Variants in ARHGAP15 observed in about 807,000 individuals in gnomAD.
ARHGAP15 encodes the protein rho GTPase-activating protein 15.
A neutral mutation model predicts 63.7 loss-of-function variants in ARHGAP15; 51 were observed. The ratio of observed to expected loss-of-function variants is 0.80; its 90% CI spans 0.64 to 1.01. The LOEUF (loss-of-function observed/expected upper bound fraction) is 1.01, where lower values mean the gene tolerates loss of function less well. Among genes scored for constraint, ARHGAP15 ranks in the 50% least tolerant of loss-of-function variants. The probability of loss-of-function intolerance (pLI) is 0.00; values close to 1 mark genes in which losing one functional copy is unlikely to be tolerated. For synonymous variants in ARHGAP15, 191 were observed against 193.8 expected, an observed-to-expected ratio of 0.99 and a Z score of 0.12; for missense variants, 560 against 564.6, an observed-to-expected ratio of 0.99 and a Z score of 0.08.
chr2:143,287,170 T>C lies in ARHGAP15; in HGVS notation c.474+36570T>C, dbSNP rs1454607629. Among the ~76,000 whole-genome samples, 9 of 152,318 alleles carry C rather than the reference T, an allele frequency of 5.9e-5. No individual in the cohort carries two copies. In the East Asian group the frequency reaches 1.7e-3, roughly 29 times the overall value. On this transcript the variant is annotated intron_variant, in intron 6 of 13. Transcript: ENST00000295095. The stretch of plus-strand genomic sequence containing the variant: ...CATATATATTCATATAGCTTATTTT[T>C]GTCTAATGCTGATATAAAATTTGAC...
chr2:143,568,913 AC>A (rs1352940616), intron 11 of ARHGAP15, among the ~76,000 whole-genome samples: 3 of 152,208 alleles, frequency 2.0e-5, no homozygotes, highest in African/African-American at 7.2e-5. Context: ...TATCACAAGG[AC>A]AGAAAATGAA....
intron 6 of ARHGAP15, among the ~76,000 whole-genome samples, chr2:143,281,950 C>T (rs967097643): frequency 1.3e-5 from 2 of 152,086 alleles, no homozygotes; most frequent in Non-Finnish European, 2.9e-5. Context: ...TCTTCCTTCA[C>T]TCTCAGACTA....
In ARHGAP15 at chr2:143,483,719, A is replaced by G. The variant is rs1692184241; in HGVS notation, c.704-3654A>G. Among the ~76,000 whole-genome samples the G allele has an allele frequency of 2.6e-5, 4 of 152,302 alleles. No individual in the cohort carries two copies. The South Asian group carries it at 8.3e-4, about 32-fold the overall frequency. On this transcript the variant is annotated intron_variant, in intron 8 of 13. Coordinates refer to ENST00000295095, the MANE Select transcript of ARHGAP15 (RefSeq NM_018460.4). Reference sequence around the variant, plus strand: ...AAAGTTGTTAGGATAGCACATAAACACACTTTGTTAAGATGCTCAGAATGA... The same window carrying G: ...AAAGTTGTTAGGATAGCACATAAACGCACTTTGTTAAGATGCTCAGAATGA...
chr2:143,455,755 T>G (rs192381688), intron 8 of ARHGAP15, among the ~76,000 whole-genome samples: 14 of 152,172 alleles, frequency 9.2e-5, no homozygotes, highest in African/African-American at 2.9e-4. Flanking sequence ...TTACATTAGG[T>G]CCAAACTCTC....
intron 5 of ARHGAP15, among the ~76,000 whole-genome samples, chr2:143,235,589 C>T (rs1693612141): frequency 6.6e-6 from 1 of 152,134 alleles, no homozygotes; most frequent in Non-Finnish European, 1.5e-5. Flanking sequence ...ATTGTTTTAA[C>T]AAACATATAC....
At chr2:143,355,316 CT>C (rs749511436) in intron 6 of ARHGAP15, among the ~76,000 whole-genome samples, 44 of 152,060 alleles carry the variant, frequency 2.9e-4, no homozygotes, top group Non-Finnish European at 5.6e-4. Flanking sequence ...TTTCGGTTAA[CT>C]TTTTTCAAGT....
intron 8 of ARHGAP15, among the ~76,000 whole-genome samples, chr2:143,457,740 T>G (rs1343012833): frequency 6.6e-6 from 1 of 151,676 alleles, no homozygotes; most frequent in East Asian, 1.9e-4. Flanking sequence ...TATAAAAAAT[T>G]GATAACAAGA....
chr2:143,297,367 G>A (rs1187982319), intron 6 of ARHGAP15, among the ~76,000 whole-genome samples: 1 of 151,984 alleles, frequency 6.6e-6, no homozygotes, highest in Non-Finnish European at 1.5e-5. Flanking sequence ...CTCTGTGTGT[G>A]AACATGGTTG....
intron 6 of ARHGAP15, among the ~76,000 whole-genome samples, chr2:143,255,652 G>C (rs1199771572): frequency 6.6e-6 from 1 of 151,866 alleles, no homozygotes; most frequent in Non-Finnish European, 1.5e-5. Context: ...GAAAACTACT[G>C]GTATTGTGCT....
intron 5 of ARHGAP15, among the ~76,000 whole-genome samples, chr2:143,246,377 T>A (rs1211199995): frequency 6.6e-6 from 1 of 151,940 alleles, no homozygotes; most frequent in Admixed American, 6.6e-5. Context: ...GGAAGAGTTG[T>A]GACTGTTCCA....
intron 6 of ARHGAP15, among the ~76,000 whole-genome samples, chr2:143,304,987 A>C (rs997653259): frequency 5.9e-5 from 9 of 152,116 alleles, no homozygotes; most frequent in Admixed American, 2.0e-4. Flanking sequence ...TATATACCCA[A>C]AGGATTATAA....
At chr2:143,456,103 C>T (rs976523542) in intron 8 of ARHGAP15, among the ~76,000 whole-genome samples, 1 of 152,084 alleles carries the variant, frequency 6.6e-6, no homozygotes, top group Non-Finnish European at 1.5e-5. Flanking sequence ...AGCTTAAATC[C>T]TGACGCTGCC....
At chr2:143,395,051 G>A (rs907983006) in intron 6 of ARHGAP15, among the ~76,000 whole-genome samples, 1 of 152,004 alleles carries the variant, frequency 6.6e-6, no homozygotes, top group Non-Finnish European at 1.5e-5. Flanking sequence ...ACCACATTTA[G>A]CAACCAAACC....
intron 6 of ARHGAP15, among the ~76,000 whole-genome samples, chr2:143,387,882 C>T (rs192706488): frequency 8.0e-5 from 12 of 150,002 alleles, no homozygotes; most frequent in Middle Eastern, 3.2e-3. Context: ...TACACGCATG[C>T]GTGCACATAC....
chr2:143,175,943 A>G (rs949160949), intron 2 of ARHGAP15, among the ~76,000 whole-genome samples: 2 of 152,218 alleles, frequency 1.3e-5, no homozygotes, highest in African/African-American at 4.8e-5. Context: ...GAATAGTATA[A>G]TATACATAAT....
chr2:143,458,328 G>A (rs190737294), intron 8 of ARHGAP15, among the ~76,000 whole-genome samples: 5 of 152,192 alleles, frequency 3.3e-5, no homozygotes, highest in South Asian at 2.1e-4. Flanking sequence ...TGCCAACACC[G>A]CTGTGTCTGC....
intron 12 of ARHGAP15, among the ~76,000 whole-genome samples, chr2:143,699,793 G>C (rs1279822893): frequency 1.3e-5 from 2 of 152,212 alleles, no homozygotes; most frequent in African/African-American, 4.8e-5. Flanking sequence ...GGTGAGAGGG[G>C]TGCAGGGGAA....
intron 6 of ARHGAP15, among the ~76,000 whole-genome samples, chr2:143,379,487 A>ATATATGTGTGTGTGTGTGTGTG (rs1202571594): frequency 2.3e-5 from 3 of 129,764 alleles, no homozygotes; most frequent in African/African-American, 8.7e-5. Flanking sequence ...AGGCATATAT[A>ATATATGTGTGTGTGTGTGTGTG]TGTGTGTGTG....
At chr2:143,513,407 A>G (rs1693672028) in intron 9 of ARHGAP15, among the ~76,000 whole-genome samples, 1 of 152,156 alleles carries the variant, frequency 6.6e-6, no homozygotes, top group Admixed American at 6.5e-5. Flanking sequence ...TCCCAATTCA[A>G]AATCCTCTTC....
Sources: gnomAD v4.1 joint callset for allele counts (sites outside exome capture counted in the v4.1 genomes callset) on GRCh38, gnomAD v4.1.1 for gene constraint, MANE v1.5 for transcripts, NCBI Gene and HGNC (gene_info 2026-07-23, HGNC 2026-07-21) for gene names.